The following CFAP251 variants were observed in gnomAD, a reference collection of about 807,000 sequenced individuals.
CFAP251 encodes the protein cilia- and flagella-associated protein 251.
In CFAP251, 93 loss-of-function variants were observed where a neutral mutation model predicts 126.7. That is an observed-to-expected ratio of 0.73 (90% CI 0.62 to 0.87). The LOEUF (loss-of-function observed/expected upper bound fraction) is 0.87, where lower values mean the gene tolerates loss of function less well. Among genes scored for constraint, CFAP251 ranks in the 40% least tolerant of loss-of-function variants. CFAP251 has a pLI of 0.00. For missense variants in CFAP251, 1,287 were observed against 1,389.2 expected (o/e 0.93, Z 1.17); for synonymous variants, 503 against 506.9 (o/e 0.99, Z 0.10).
intron 2 of CFAP251, among the ~76,000 whole-genome samples, chr12:121,922,947 G>A (rs904383544): frequency 6.6e-5 from 10 of 152,006 alleles, no homozygotes; most frequent in East Asian, 1.9e-4. Flanking sequence ...CCGCCACCAC[G>A]CCCAGCTAAT....
intron 19 of CFAP251, among the ~76,000 whole-genome samples, chr12:121,990,851 G>C (rs974094118): frequency 1.3e-5 from 2 of 152,234 alleles, no homozygotes; most frequent in East Asian, 3.8e-4. Flanking sequence ...CTTGGCGATG[G>C]AGCCTGTTAG....
At chr12:121,968,954 C>T in intron 17 of CFAP251, 1 of 985,438 alleles carries the variant, frequency 1.0e-6, no homozygotes, top group Non-Finnish European at 1.2e-6. Flanking sequence ...GTCCTCTCAT[C>T]TACCCAAATC....
intron 5 of CFAP251, among the ~76,000 whole-genome samples, chr12:121,940,019 G>C (rs1384610277): frequency 6.6e-6 from 1 of 152,098 alleles, no homozygotes; most frequent in Non-Finnish European, 1.5e-5. Context: ...TGCAAATCTA[G>C]TAAATTAGAC....
At chr12:121,964,387 G>A (rs1436684253) in intron 15 of CFAP251, among the ~76,000 whole-genome samples, 2 of 152,144 alleles carry the variant, frequency 1.3e-5, no homozygotes, top group Admixed American at 6.5e-5. Flanking sequence ...TCAGATATGC[G>A]CAGTCCTAAG....
At chr12:121,994,746 A>G (rs1351470005) in intron 19 of CFAP251, among the ~76,000 whole-genome samples, 3 of 100,106 alleles carry the variant, frequency 3.0e-5, no homozygotes, top group Admixed American at 1.1e-4. Context: ...TGTTAAACAG[A>G]TGCTTGAAGG....
chr12:121,931,722 G>T, intron 3 of CFAP251, 24 bp from the exon 4 acceptor site: 3 of 1,531,228 alleles, frequency 2.0e-6, no homozygotes, highest in Non-Finnish European at 2.6e-6. Context: ...GTAATGTCTT[G>T]CTGGCTTTGC....
At chr12:121,993,831 T>G (rs1406141806) in intron 19 of CFAP251, among the ~76,000 whole-genome samples, 1 of 118,952 alleles carries the variant, frequency 8.4e-6, no homozygotes. Flanking sequence ...AGCCGCCCCG[T>G]CCGGGAGGGA....
chr12:121,980,178 G>GCA (rs1055805371), intron 19 of CFAP251, among the ~76,000 whole-genome samples: 1 of 152,194 alleles, frequency 6.6e-6, no homozygotes, highest in African/African-American at 2.4e-5. Flanking sequence ...CCAGGCGTGG[G>GCA]CACTCTCCTT....
Position 121,921,435 on chromosome 12 carries a change from A to G in CFAP251, c.130A>G (p.Thr44Ala). The part of the protein sequence containing the change: ...EDPQQESKDD[T>A]IAWRESQEEE... ...TCCACAACAGGAATCAAAAGATGACACAATAGCATGGAGAGAGTCTCAGGA... is the reference window on the plus strand; with the variant it reads ...TCCACAACAGGAATCAAAAGATGACGCAATAGCATGGAGAGAGTCTCAGGA... The change falls in exon 2 of 22, where the codon ACA becomes GCA. Residue 44 changes from threonine (T) to alanine (A), a missense_variant. Physicochemically the swap from Thr to Ala is moderately conservative, Grantham distance 58. Transcript: ENST00000288912. The G allele has an allele frequency of 6.2e-7, 1 of 1,613,914 alleles. No homozygotes were observed. The highest frequency in any genetic ancestry group is 1.3e-5 in the African/African-American group (1 of 74,932).
chr12:121,975,631 G>A lies in CFAP251; in HGVS notation c.2952G>A (p.Leu984=), dbSNP rs201510128. ...GAAAGGTGTCAGAACACATTTGCCT[G>A]TCAGAGCTTCCTTTTGTCATGAGAG... ...ETRKVSEHIC[L]SELPFVMRAI... is the part of the protein sequence containing the mutation. The change falls in exon 19 of 22, where the codon CTG becomes CTA. Residue 984 remains leucine, a synonymous_variant. Transcript: ENST00000288912. 10 of 1,599,772 alleles carry A rather than the reference G, an allele frequency of 6.3e-6. No homozygotes were observed. In the South Asian group the frequency reaches 8.0e-5, roughly 13 times the overall value.
In CFAP251 at chr12:121,945,717, G is replaced by A. The variant is rs1881298936; in HGVS notation, c.1191+2742G>A. ...GTCTTGCTCTGTCACCTAGGCTGGA[G>A]TGCAGTGGCGCAATCTTGGCTCACC... On this transcript the variant is annotated intron_variant, in intron 7 of 21. Coordinates refer to ENST00000288912, the MANE Select transcript of CFAP251 (RefSeq NM_144668.6). 3.3e-5 allele frequency among the ~76,000 whole-genome samples: 5 copies of A among 151,462 alleles called. No homozygotes were observed. The South Asian group carries it at 6.3e-4, about 19-fold the overall frequency.
intron 15 of CFAP251, among the ~76,000 whole-genome samples, chr12:121,965,154 A>G (rs1255649584): frequency 6.6e-6 from 1 of 152,246 alleles, no homozygotes; most frequent in Non-Finnish European, 1.5e-5. Flanking sequence ...TTGAAAGAAC[A>G]TGAAAAGGCA....
intron 20 of CFAP251, 151 bp downstream of exon 20, chr12:122,000,095 C>A (rs989259796): frequency 3.8e-5 from 25 of 652,594 alleles, no homozygotes. Flanking sequence ...GGCTGACCCA[C>A]CTGCATCCCT....
chr12:121,925,708 G>T (rs1378411296), intron 3 of CFAP251, among the ~76,000 whole-genome samples: 1 of 152,190 alleles, frequency 6.6e-6, no homozygotes, highest in Non-Finnish European at 1.5e-5. Flanking sequence ...TGTGTCAGGG[G>T]CACAGCTATC....
chr12:121,942,754 T>G, intron 6 of CFAP251, 109 bp downstream of exon 6: 1 of 1,244,030 alleles, frequency 8.0e-7, no homozygotes, highest in Admixed American at 2.0e-5. Flanking sequence ...TGTGATATTC[T>G]CAAAAGACCA....
At chr12:121,945,766 C>T (rs1016740688) in intron 7 of CFAP251, among the ~76,000 whole-genome samples, 5 of 150,340 alleles carry the variant, frequency 3.3e-5, no homozygotes, top group African/African-American at 9.8e-5. Context: ...CCTGGGTTCA[C>T]GCCATTCTCC....
rs1224135633 is a variant in CFAP251, at chr12:121,975,270, G to A, written c.2798G>A (p.Gly933Glu). Residue 933 changes from glycine to glutamate, a missense_variant, in exon 18 of 22, where the codon GGG becomes GAG. Physicochemically the swap from Gly to Glu is moderately conservative, Grantham distance 98 (BLOSUM62 -2). Coordinates refer to ENST00000288912, the MANE Select transcript of CFAP251 (RefSeq NM_144668.6). ...LSVLEAAVSL[G>E]GEDLTPFYGL... The stretch of plus-strand genomic sequence containing the variant: ...GTCCTGGAGGCAGCGGTTTCTCTTG[G>A]GGGTGAAGACTTGACCCCATTCTAT... The A allele has an allele frequency of 3.7e-6, 6 of 1,614,094 alleles. No homozygotes were observed. Among genetic ancestry groups the A allele is most frequent in the South Asian group, 2.2e-5 (2 of 91,064 alleles).
At chr12:121,986,891 A>G (rs1040770628) in intron 19 of CFAP251, among the ~76,000 whole-genome samples, 1 of 152,096 alleles carries the variant, frequency 6.6e-6, no homozygotes, top group Non-Finnish European at 1.5e-5. Context: ...TCGGACATAC[A>G]TTTCTGTACT....
rs558861973 is a variant in CFAP251 at position 121,952,240 on chromosome 12, TAAAAAAAAA to T, written c.1320+733_1320+741del. On this transcript the variant is annotated intron_variant, in intron 9 of 21. Coordinates refer to ENST00000288912, the MANE Select transcript of CFAP251 (RefSeq NM_144668.6). ...AACACAGGCTAGACTTCGTTTCTAC[TAAAAAAAAA>T]AAAAAAAAAAAAAAAAAAAAAATTG... is the stretch of plus-strand genomic sequence containing the variant. Among the ~76,000 whole-genome samples, 47 of 92,078 alleles carry T rather than the reference TAAAAAAAAA, an allele frequency of 5.1e-4. 1 individual carries two copies. In the South Asian group the frequency reaches 9.0e-3, roughly 18 times the overall value. The allele number at this position is 92,078 out of a possible 152,430, so 60.4% of individuals were successfully genotyped here. A position where few individuals can be genotyped will look rare whatever the true frequency, so the allele number is the denominator to read the frequency against.
Sources: allele counts gnomAD v4.1 joint callset (sites outside exome capture counted in the v4.1 genomes callset), GRCh38; gene constraint gnomAD v4.1.1; transcripts MANE v1.5; gene names NCBI Gene and HGNC (gene_info 2026-07-23, HGNC 2026-07-21).